CNTNAP2: variants seen among roughly 807,000 people sequenced by gnomAD.
The protein encoded by CNTNAP2 is contactin-associated protein-like 2.
In CNTNAP2, 98 loss-of-function variants were observed where a neutral mutation model predicts 155.2. The observed-to-expected ratio is 0.63, with a 90% CI of 0.54 to 0.75. The LOEUF is 0.75. Ranked by LOEUF, CNTNAP2 falls within the 30% of genes least tolerant of loss-of-function variation. CNTNAP2 has a pLI of 0.00. For missense variants in CNTNAP2, 1,727 were observed against 1,688.1 expected (o/e 1.02, Z -0.40); for synonymous variants, 651 against 631.2 (o/e 1.03, Z -0.47).
chr7:146,786,503 G>T (rs1802576792), intron 2 of CNTNAP2, among the ~76,000 whole-genome samples: 1 of 152,160 alleles, frequency 6.6e-6, no homozygotes, highest in African/African-American at 2.4e-5. Context: ...ATTCAAAGCA[G>T]TGTAGCCTTT....
chr7:147,824,086 T>A (rs910262951), intron 13 of CNTNAP2, among the ~76,000 whole-genome samples: 1 of 152,136 alleles, frequency 6.6e-6, no homozygotes, highest in Admixed American at 6.6e-5. Flanking sequence ...CATGCCAATA[T>A]TATGTGTTTA....
At chr7:146,435,180 A>G (rs1473781395) in intron 1 of CNTNAP2, among the ~76,000 whole-genome samples, 2 of 152,220 alleles carry the variant, frequency 1.3e-5, no homozygotes, top group Non-Finnish European at 2.9e-5. Flanking sequence ...ATGAGTATAT[A>G]AAATCTGAAA....
At chr7:147,471,239 C>G (rs7783548) in intron 10 of CNTNAP2, among the ~76,000 whole-genome samples, 3 of 152,062 alleles carry the variant, frequency 2.0e-5, no homozygotes, top group Non-Finnish European at 4.4e-5. Context: ...CTCTTGCATA[C>G]AAAGTTTAAC....
At chr7:146,631,844 ACT>A (rs1799515479) in intron 1 of CNTNAP2, among the ~76,000 whole-genome samples, 1 of 151,776 alleles carries the variant, frequency 6.6e-6, no homozygotes, top group African/African-American at 2.4e-5. Context: ...GTCAGTCAAT[ACT>A]CTCTTTTGTT....
chr7:147,181,284 G>A (rs944386880), intron 8 of CNTNAP2, among the ~76,000 whole-genome samples: 1 of 152,174 alleles, frequency 6.6e-6, no homozygotes, highest in Admixed American at 6.5e-5. Context: ...TGAATGGACT[G>A]AACAGGAGAG....
At position 147,578,775 on chromosome 7, in the gene CNTNAP2, A is replaced by C. The variant is rs1800445018; in HGVS notation, c.1897+16518A>C. Among the ~76,000 whole-genome samples the C allele has an allele frequency of 2.6e-5, 4 of 152,110 alleles. No homozygotes were observed. The South Asian group carries it at 8.3e-4, about 32-fold the overall frequency. On this transcript the variant is annotated intron_variant, in intron 12 of 23. Coordinates refer to ENST00000361727, the MANE Select transcript of CNTNAP2 (RefSeq NM_014141.6). ...TTTCATTTAGAAAACTACAAAAGAA[A>C]CCATTTATTTAAACACTTTAAAACC... is the stretch of plus-strand genomic sequence containing the variant.
At chr7:147,519,242 C>T (rs1009698664) in intron 11 of CNTNAP2, among the ~76,000 whole-genome samples, 1 of 152,062 alleles carries the variant, frequency 6.6e-6, no homozygotes, top group Non-Finnish European at 1.5e-5. Flanking sequence ...TTCTGGAGGC[C>T]TCCCGCATTC....
chr7:148,143,842 T>A (rs140609515), intron 16 of CNTNAP2, among the ~76,000 whole-genome samples: 2 of 152,334 alleles, frequency 1.3e-5, no homozygotes, highest in East Asian at 3.9e-4. Context: ...GAAAAGGGAC[T>A]GTCTTTTCCT....
rs146591726 is a variant in CNTNAP2, at chr7:147,532,285, C to T, written c.1778-29853C>T. On this transcript the variant is annotated intron_variant, in intron 11 of 23. Coordinates refer to ENST00000361727, the MANE Select transcript of CNTNAP2 (RefSeq NM_014141.6). ...ACTCTCTCAAGTTCAAAGTTCCACA[C>T]ATCTCTAGGGCAGGGGCAAAATGCC... is the stretch of plus-strand genomic sequence containing the variant. 1.3e-3 allele frequency among the ~76,000 whole-genome samples: 205 copies of T among 152,326 alleles called. 2 individuals carry two copies. In the East Asian group the frequency reaches 0.025, roughly 18 times the overall value.
intron 13 of CNTNAP2, among the ~76,000 whole-genome samples, chr7:147,715,453 T>C (rs1584915973): frequency 6.6e-6 from 1 of 152,158 alleles, no homozygotes; most frequent in South Asian, 2.1e-4. Context: ...AGAGTTGTCA[T>C]GGGCTAATCT....
intron 1 of CNTNAP2, among the ~76,000 whole-genome samples, chr7:146,194,155 T>G (rs1798744878): frequency 6.6e-6 from 1 of 152,218 alleles, no homozygotes; most frequent in African/African-American, 2.4e-5. Flanking sequence ...TGTTCCAAGC[T>G]CTGCCTGTTA....
intron 8 of CNTNAP2, among the ~76,000 whole-genome samples, chr7:147,229,200 AG>A (rs1331631072): frequency 6.6e-6 from 1 of 152,308 alleles, no homozygotes; most frequent in African/African-American, 2.4e-5. Context: ...CAGCAACTCC[AG>A]TTTGTAAATG....
Position 147,087,581 on chromosome 7 carries a change from T to C in CNTNAP2, c.551-20566T>C, listed in dbSNP as rs73469073. On this transcript the variant is annotated intron_variant, in intron 4 of 23. Coordinates refer to ENST00000361727, the MANE Select transcript of CNTNAP2 (RefSeq NM_014141.6). ...CTTTTTAATAGAATTTGCTGTAAAA[T>C]GGATACTACAGAAACAGCATTTTAT... Among the ~76,000 whole-genome samples, 980 of 152,304 alleles carry C rather than the reference T, an allele frequency of 6.4e-3. 10 individuals carry two copies. Among genetic ancestry groups the C allele is most frequent in the African/African-American group, 0.022 (919 of 41,580 alleles).
intron 13 of CNTNAP2, among the ~76,000 whole-genome samples, chr7:147,754,822 A>G (rs1352645110): frequency 6.6e-6 from 1 of 152,226 alleles, no homozygotes; most frequent in African/African-American, 2.4e-5. Context: ...ATGAAAAAAA[A>G]TGGCAAAACA....
chr7:147,116,355 T>A (rs1014926989), intron 5 of CNTNAP2, among the ~76,000 whole-genome samples: 1 of 152,238 alleles, frequency 6.6e-6, no homozygotes, highest in African/African-American at 2.4e-5. Flanking sequence ...AGAGCCACTG[T>A]GCTGTGTTGG....
chr7:147,635,513 A>G (rs930900286), intron 12 of CNTNAP2, among the ~76,000 whole-genome samples: 3 of 152,116 alleles, frequency 2.0e-5, no homozygotes, highest in African/African-American at 7.2e-5. Context: ...TAAGCACTCA[A>G]TAATATTTGT....
At chr7:148,216,279 T>A (rs1795637155) in intron 18 of CNTNAP2, among the ~76,000 whole-genome samples, 1 of 152,146 alleles carries the variant, frequency 6.6e-6, no homozygotes, top group Non-Finnish European at 1.5e-5. Context: ...TTCTCAATAA[T>A]AATAAAAATA....
At chr7:146,903,933 C>T (rs950139704) in intron 3 of CNTNAP2, among the ~76,000 whole-genome samples, 1 of 152,208 alleles carries the variant, frequency 6.6e-6, no homozygotes, top group East Asian at 1.9e-4. Flanking sequence ...GAGTTTTTCT[C>T]TACTATATAT....
chr7:146,932,261 G>A (rs1368786921), intron 3 of CNTNAP2, among the ~76,000 whole-genome samples: 1 of 152,128 alleles, frequency 6.6e-6, no homozygotes, highest in Non-Finnish European at 1.5e-5. Flanking sequence ...CTTCATCCCT[G>A]GGATGCAAGG....
Sources: gnomAD v4.1 joint callset for allele counts (sites outside exome capture counted in the v4.1 genomes callset) on GRCh38, gnomAD v4.1.1 for gene constraint, MANE v1.5 for transcripts, NCBI Gene and HGNC (gene_info 2026-07-23, HGNC 2026-07-21) for gene names.